Variants in COASY observed in about 807,000 individuals in gnomAD.
COASY encodes Coenzyme A synthase, also known as bifunctional coenzyme A synthase.
A neutral mutation model predicts 49.4 loss-of-function variants in COASY; 31 were observed. That is an observed-to-expected ratio of 0.63 (90% confidence interval 0.47 to 0.85). The LOEUF (loss-of-function observed/expected upper bound fraction) is 0.85. COASY is among the 40% of genes least tolerant of loss of function. COASY has a pLI of 0.00. For synonymous variants in COASY, 285 were observed against 310.9 expected (o/e 0.92, Z 0.88); for missense variants, 730 against 734.1 (o/e 0.99, Z 0.06).
intron 5 of COASY, 31 bp from the exon 6 acceptor site, chr17:42,565,196 G>A: frequency 6.2e-7 from 1 of 1,612,044 alleles, no homozygotes; most frequent in Non-Finnish European, 8.5e-7. Context: ...TTCTAGAGAA[G>A]GTAACCTCTG....
Position 42,562,913 on chromosome 17 carries a change from C to G in COASY, c.291C>G (p.Leu97=). 1.2e-6 allele frequency: 2 copies of G among 1,611,418 alleles called. No individual in the cohort carries two copies. The highest frequency in any genetic ancestry group is 1.7e-6 in the Non-Finnish European group (2 of 1,177,750). ...ATATCCGAACCAAGAGCACCTTTCT[C>G]CCTCCCCTGCCCACCTCAGTCCAGA... ...LTNIRTKSTF[L]PPLPTSVQNL... is the part of the protein sequence containing the mutation. The change falls in exon 1 of 9, where the codon CTC becomes CTG. Residue 97 remains leucine (L), a synonymous_variant. Transcript: ENST00000393818.
At position 42,564,149 on chromosome 17, in the gene COASY, G is replaced by A. The variant is rs2092990675; in HGVS notation, c.889G>A (p.Ala297Thr). ...VSEETYRGGM[A>T]INRFRLENDL... ...CGAGGAGACCTATCGTGGGGGGATG[G>A]CCATCAACCGCTTCCGCCTTGAGAA... is the stretch of plus-strand genomic sequence containing the variant. The change falls in exon 2 of 9, where the codon GCC becomes ACC. Residue 297 changes from alanine to threonine, a missense_variant. Physicochemically the swap from Ala to Thr is moderately conservative, Grantham distance 58 (BLOSUM62 0). Coordinates refer to ENST00000393818, the MANE Select transcript of COASY (RefSeq NM_025233.7). The A allele has an allele frequency of 1.9e-6, 3 of 1,614,116 alleles. No individual in the cohort carries two copies. The highest frequency in any genetic ancestry group is 1.3e-5 in the African/African-American group (1 of 75,042).
In COASY at chr17:42,566,082, T is replaced by G; in HGVS notation, c.*114T>G. ...TCAGGCCCAGAGGTCCAAGCTATAC[T>G]GTGCAGGACATGGCCAGGCCTGGTG... On this transcript the variant is annotated 3_prime_UTR_variant, in exon 9 of 9. Transcript: ENST00000393818. The G allele has an allele frequency of 8.9e-7, 1 of 1,124,900 alleles. No individual in the cohort carries two copies. Among genetic ancestry groups the G allele is most frequent in the Non-Finnish European group, 1.3e-6 (1 of 753,566 alleles). 69.7% of individuals were successfully genotyped at this position (1,124,900 alleles called of 1,614,324 possible).
In COASY at chr17:42,562,875, A is replaced by G; in HGVS notation, c.253A>G (p.Ile85Val). The G allele has an allele frequency of 6.2e-7, 1 of 1,613,010 alleles. No individual in the cohort carries two copies. Among genetic ancestry groups the G allele is most frequent in the Non-Finnish European group, 8.5e-7 (1 of 1,179,234 alleles). Reference protein sequence around the residue: ...ADVHRHLDVRILLTNIRTKST... With the variant: ...ADVHRHLDVRVLLTNIRTKST... ...CGTCCACAGGCACTTGGACGTCAGAATCCTACTGACCAATATCCGAACCAA... is the reference window on the plus strand; with the variant it reads ...CGTCCACAGGCACTTGGACGTCAGAGTCCTACTGACCAATATCCGAACCAA... Residue 85 changes from isoleucine (I) to valine (V), a missense_variant, in exon 1 of 9, where the codon ATC (isoleucine) becomes GTC (valine). By Grantham distance (29) the Ile-to-Val change is conservative. Coordinates refer to ENST00000393818, the MANE Select transcript of COASY (RefSeq NM_025233.7).
At chr17:42,563,888 C>T in intron 1 of COASY, 73 bp from the exon 2 acceptor site, 3 of 1,295,444 alleles carry the variant, frequency 2.3e-6, no homozygotes, top group Non-Finnish European at 2.2e-6. Context: ...CTTAGGGACA[C>T]TTTTTCCCAA....
At position 42,562,259 on chromosome 17, in the gene COASY, A is replaced by T. The variant is rs2092978315; in HGVS notation, c.-364A>T. ...GACGTGAGCTTTAGCGTCCCCCTTT[A>T]GCCTCCCTCTTCGATTCCTTGAAGA... On this transcript the variant is annotated 5_prime_UTR_variant, in exon 1 of 9. Transcript: ENST00000393818. 1.6e-6 allele frequency: 1 copy of T among 641,726 alleles called. No homozygotes were observed. Among genetic ancestry groups the T allele is most frequent in the Non-Finnish European group, 2.7e-6 (1 of 371,166 alleles). The allele number at this position is 641,726 out of a possible 1,614,324, so 39.8% of individuals were successfully genotyped here.
In COASY at chr17:42,564,576, A is replaced by AT; in HGVS notation, c.1047dup (p.Glu350Ter). 1 of 1,610,506 alleles carries AT rather than the reference A, an allele frequency of 6.2e-7. No individual in the cohort carries two copies. On this transcript the variant is annotated frameshift_variant and splice_region_variant, in exon 3 of 9. Transcript: ENST00000393818. LOFTEE classifies it high-confidence loss of function. ...TTGGGGAACCTGCTTCGGCCTCCAT[A>AT]TGTAAGCTCCTCTCCCTCCTTCCCT...
At position 42,564,064 on chromosome 17, in the gene COASY, C is replaced by T; in HGVS notation, c.804C>T (p.Pro268=). ...IKPSLTFDVI[P]LLDPYGPAGS... The stretch of plus-strand genomic sequence containing the variant: ...CCTCCTTGACTTTTGATGTCATCCC[C>T]CTGCTGGACCCCTATGGGCCCGCTG... Residue 268 remains proline (P), a synonymous_variant, in exon 2 of 9, where the codon CCC becomes CCT. Transcript: ENST00000393818. 6.2e-7 allele frequency: 1 copy of T among 1,614,122 alleles called. No individual in the cohort carries two copies. Among genetic ancestry groups the T allele is most frequent in the Non-Finnish European group, 8.5e-7 (1 of 1,180,010 alleles).
Position 42,565,797 on chromosome 17 carries a change from C to G in COASY, c.1624C>G (p.Gln542Glu). 1 of 1,613,926 alleles carries G rather than the reference C, an allele frequency of 6.2e-7. No homozygotes were observed. The highest frequency in any genetic ancestry group is 8.5e-7 in the Non-Finnish European group (1 of 1,180,004). Residue 542 changes from glutamine (Q) to glutamate (E), a missense_variant, in exon 8 of 9, where the codon CAA becomes GAA. Transcript: ENST00000393818. ...LSTLWEPHIT[Q>E]RQVEKAWALL... is the part of the protein sequence containing the mutation. ...CACCTTGTGGGAGCCGCATATCACCCAACGCCAGGTTGGTGCCCAGGGCAA... is the reference window on the plus strand; with the variant it reads ...CACCTTGTGGGAGCCGCATATCACCGAACGCCAGGTTGGTGCCCAGGGCAA...
rs1357611986 is a variant in COASY, at chr17:42,563,959, AG to A, written c.701del. The A allele has an allele frequency of 6.3e-7, 1 of 1,597,696 alleles. No homozygotes were observed. Among genetic ancestry groups the A allele is most frequent in the Non-Finnish European group, 8.6e-7 (1 of 1,169,522 alleles). On this transcript the variant is annotated splice_acceptor_variant, in intron 1 of 8. Coordinates refer to ENST00000393818, the MANE Select transcript of COASY (RefSeq NM_025233.7). LOFTEE classifies it high-confidence loss of function. ...CACTGTTCTTCTGGGCTCCTTCCCC[AG>A]GCAAGTTGCTCCCTGAGCTGCTCCA...
In COASY at chr17:42,565,805, G is replaced by C; in HGVS notation, c.1632G>C (p.Gln544His). Residue 544 changes from glutamine to histidine, a missense_variant and splice_region_variant, in exon 8 of 9, where the codon CAG (glutamine) becomes CAC (histidine). Transcript: ENST00000393818. ...GGGAGCCGCATATCACCCAACGCCA[G>C]GTTGGTGCCCAGGGCAAGGCCGGGT... ...TLWEPHITQR[Q>H]VEKAWALLQK... 7 of 1,613,950 alleles carry C rather than the reference G, an allele frequency of 4.3e-6. No individual in the cohort carries two copies. Among genetic ancestry groups the C allele is most frequent in the Admixed American group, 1.7e-5 (1 of 60,030 alleles).
In COASY at chr17:42,565,915, G is replaced by A; in HGVS notation, c.1642G>A (p.Ala548Thr). Residue 548 changes from alanine (A) to threonine (T), a missense_variant, in exon 9 of 9, where the codon GCC becomes ACC. By Grantham distance (58) the Ala-to-Thr change is moderately conservative (BLOSUM62 0). Coordinates refer to ENST00000393818, the MANE Select transcript of COASY (RefSeq NM_025233.7). ...PHITQRQVEK[A>T]WALLQKRIPK... ...CCTGGCCTGTCTGAAGGTGGAGAAAGCCTGGGCCCTCTTGCAGAAGCGCAT... is the reference window on the plus strand; with the variant it reads ...CCTGGCCTGTCTGAAGGTGGAGAAAACCTGGGCCCTCTTGCAGAAGCGCAT... 1.2e-6 allele frequency: 2 copies of A among 1,613,962 alleles called. No individual in the cohort carries two copies. The highest frequency in any genetic ancestry group is 1.7e-6 in the Non-Finnish European group (2 of 1,180,018).
intron 5 of COASY, 81 bp from the exon 6 acceptor site, chr17:42,565,146 G>A: frequency 6.3e-7 from 1 of 1,589,678 alleles, no homozygotes; most frequent in Non-Finnish European, 8.6e-7. Flanking sequence ...CATTTCCATT[G>A]ATCTGTTCCC....
In COASY at chr17:42,562,167, A is replaced by T; in HGVS notation, c.-456A>T. 2.1e-6 allele frequency: 1 copy of T among 477,124 alleles called. No individual in the cohort carries two copies. Among genetic ancestry groups the T allele is most frequent in the Non-Finnish European group, 3.7e-6 (1 of 268,194 alleles). 29.6% of individuals were successfully genotyped at this position (477,124 alleles called of 1,614,324 possible). ...TTCTCCGTTAGTGCTTCCGGGTTGC[A>T]GCCAGGGAAGCCTCCGCGGTGGTGC... On this transcript the variant is annotated 5_prime_UTR_variant, in exon 1 of 9. Transcript: ENST00000393818.
In COASY at chr17:42,566,129, A is replaced by G. The variant is rs943734870; in HGVS notation, c.*161A>G. Reference sequence around the variant, plus strand: ...GGTGGACACAGGAAGCCTACCCAACACGCTGGTATTTGGCCAACACTGAGG... The same window carrying G: ...GGTGGACACAGGAAGCCTACCCAACGCGCTGGTATTTGGCCAACACTGAGG... On this transcript the variant is annotated 3_prime_UTR_variant, in exon 9 of 9. Transcript: ENST00000393818. 8 of 707,314 alleles carry G rather than the reference A, an allele frequency of 1.1e-5. No homozygotes were observed. The Admixed American group carries it at 1.6e-4, about 14-fold the overall frequency. 43.8% of individuals were successfully genotyped at this position (707,314 alleles called of 1,614,324 possible).
chr17:42,566,088 G>T lies in COASY; in HGVS notation c.*120G>T. The T allele has an allele frequency of 9.4e-7, 1 of 1,061,958 alleles. No individual in the cohort carries two copies. Among genetic ancestry groups the T allele is most frequent in the Non-Finnish European group, 1.4e-6 (1 of 703,928 alleles). The allele number at this position is 1,061,958 out of a possible 1,614,324, so 65.8% of individuals were successfully genotyped here. A position where few individuals can be genotyped will look rare whatever the true frequency, so the allele number is the denominator to read the frequency against. ...CCAGAGGTCCAAGCTATACTGTGCAGGACATGGCCAGGCCTGGTGGACACA... is the reference window on the plus strand; with the variant it reads ...CCAGAGGTCCAAGCTATACTGTGCATGACATGGCCAGGCCTGGTGGACACA... On this transcript the variant is annotated 3_prime_UTR_variant, in exon 9 of 9. Coordinates refer to ENST00000393818, the MANE Select transcript of COASY (RefSeq NM_025233.7).
In COASY at chr17:42,562,963, T is replaced by C; in HGVS notation, c.341T>C (p.Val114Ala). ...AATCTCGCCCACCCGCCAGAAGTCGTGTTGACAGATTTCCAGACCCTGGAT... is the reference window on the plus strand; with the variant it reads ...AATCTCGCCCACCCGCCAGAAGTCGCGTTGACAGATTTCCAGACCCTGGAT... ...VQNLAHPPEV[V>A]LTDFQTLDGS... The change falls in exon 1 of 9, where the codon GTG becomes GCG. Residue 114 changes from valine (V) to alanine (A), a missense_variant. Transcript: ENST00000393818. The C allele has an allele frequency of 6.2e-7, 1 of 1,614,058 alleles. No homozygotes were observed. Among genetic ancestry groups the C allele is most frequent in the Non-Finnish European group, 8.5e-7 (1 of 1,179,938 alleles).
chr17:42,562,951 C>T lies in COASY; in HGVS notation c.329C>T (p.Pro110Leu). The T allele has an allele frequency of 6.2e-7, 1 of 1,613,932 alleles. No individual in the cohort carries two copies. Among genetic ancestry groups the T allele is most frequent in the Non-Finnish European group, 8.5e-7 (1 of 1,179,836 alleles). The change falls in exon 1 of 9, where the codon CCG becomes CTG. Residue 110 changes from proline to leucine, a missense_variant. Pro to Leu is a moderately conservative substitution (Grantham distance 98). Transcript: ENST00000393818. Reference sequence around the variant, plus strand: ...ACCTCAGTCCAGAATCTCGCCCACCCGCCAGAAGTCGTGTTGACAGATTTC... The same window carrying T: ...ACCTCAGTCCAGAATCTCGCCCACCTGCCAGAAGTCGTGTTGACAGATTTC... ...LPTSVQNLAH[P>L]PEVVLTDFQT... is the part of the protein sequence containing the mutation.
rs772331281 is a variant in COASY, at chr17:42,563,167, G to A, written c.545G>A (p.Gly182Glu). The A allele has an allele frequency of 9.3e-6, 15 of 1,613,828 alleles. No homozygotes were observed. The highest frequency in any genetic ancestry group is 1.3e-5 in the Non-Finnish European group (15 of 1,180,030). The change falls in exon 1 of 9, where the codon GGG becomes GAG. Residue 182 changes from glycine to glutamate, a missense_variant. Transcript: ENST00000393818. ...STIRPASPVA[G>E]SPKQPVRGYY... ...ATCAGGCCAGCTTCCCCCGTGGCCG[G>A]GTCTCCAAAGCAGCCGGTGCGTGGC...
Sources: gnomAD v4.1 joint callset for allele counts on GRCh38, gnomAD v4.1.1 for gene constraint, MANE v1.5 for transcripts, NCBI Gene and HGNC (gene_info 2026-07-23, HGNC 2026-07-21) for gene names.